EVA1C: variants seen among roughly 807,000 people sequenced by gnomAD.
The protein encoded by EVA1C is eva-1 homolog C, also known as protein eva-1 homolog C.
Under a neutral mutation model 45.4 loss-of-function variants are expected in EVA1C, and 25 were observed. The observed-to-expected ratio is 0.55, with a 90% CI of 0.40 to 0.77. EVA1C has a LOEUF of 0.77. Among genes scored for constraint, EVA1C ranks in the 30% least tolerant of loss-of-function variants. EVA1C has a pLI of 0.00. For synonymous variants in EVA1C, 190 were observed against 221.2 expected (o/e 0.86, Z 1.25); for missense variants, 479 against 554.8 (o/e 0.86, Z 1.37).
intron 1 of EVA1C, among the ~76,000 whole-genome samples, chr21:32,451,147 C>T (rs1292228707): frequency 6.6e-6 from 1 of 152,116 alleles, no homozygotes; most frequent in Non-Finnish European, 1.5e-5. Context: ...GATTGGGCGC[C>T]TGGATTTTCC....
intron 1 of EVA1C, among the ~76,000 whole-genome samples, chr21:32,434,585 C>T (rs997264517): frequency 7.4e-5 from 11 of 147,900 alleles, no homozygotes; most frequent in Non-Finnish European, 1.0e-4. Flanking sequence ...AGCGAGACTC[C>T]GTCTCAAAAA....
At chr21:32,501,117 T>G (rs2037514731) in intron 5 of EVA1C, among the ~76,000 whole-genome samples, 1 of 152,216 alleles carries the variant, frequency 6.6e-6, no homozygotes, top group African/African-American at 2.4e-5. Context: ...TGGGCCTTCA[T>G]TCCGTTTTAT....
In EVA1C at chr21:32,501,980, G is replaced by A. The variant is rs1160072342; in HGVS notation, c.859+485G>A. 2.4e-5 allele frequency among the ~76,000 whole-genome samples: 3 copies of A among 125,100 alleles called. 1 individual carries two copies. The highest frequency in any genetic ancestry group is 5.4e-4 in the South Asian group (2 of 3,738). The allele number at this position is 125,100 out of a possible 152,430, so 82.1% of individuals were successfully genotyped here. Reference sequence around the variant, plus strand: ...CTCTCTCCCTCCCTCTCTCTCTCTCGCTCTTTTCTTTCTTTCTTTCTTTCT... The same window carrying A: ...CTCTCTCCCTCCCTCTCTCTCTCTCACTCTTTTCTTTCTTTCTTTCTTTCT... On this transcript the variant is annotated intron_variant, in intron 6 of 7. Coordinates refer to ENST00000300255, the MANE Select transcript of EVA1C (RefSeq NM_058187.5).
chr21:32,421,053 T>C (rs1396804873), intron 1 of EVA1C, among the ~76,000 whole-genome samples: 1 of 152,236 alleles, frequency 6.6e-6, no homozygotes, highest in African/African-American at 2.4e-5. Context: ...GATTATAGAA[T>C]TGGGTCTGTA....
chr21:32,507,502 CTG>C (rs750597966), intron 7 of EVA1C, among the ~76,000 whole-genome samples: 10 of 139,794 alleles, frequency 7.2e-5, no homozygotes, highest in Non-Finnish European at 1.1e-4. Context: ...GTGCGTGTGT[CTG>C]TATCTGTGTG....
intron 1 of EVA1C, among the ~76,000 whole-genome samples, chr21:32,423,097 TG>T (rs2034352362): frequency 1.4e-5 from 1 of 73,326 alleles, no homozygotes; most frequent in African/African-American, 4.8e-5. Context: ...AAAAAAAAAA[TG>T]GTGGACAAAG....
chr21:32,422,162 A>G (rs1171026675), intron 1 of EVA1C, among the ~76,000 whole-genome samples: 3 of 152,194 alleles, frequency 2.0e-5, no homozygotes, highest in Non-Finnish European at 2.9e-5. Context: ...AGAATCAAAG[A>G]TATCTACTAA....
chr21:32,442,868 A>C (rs1341896939), intron 1 of EVA1C, among the ~76,000 whole-genome samples: 2 of 152,002 alleles, frequency 1.3e-5, no homozygotes, highest in Non-Finnish European at 2.9e-5. Context: ...CTCAGATTGC[A>C]TTGGAAGCCT....
chr21:32,412,852 C>A lies in EVA1C; in HGVS notation c.-2C>A. 1 of 1,477,438 alleles carries A rather than the reference C, an allele frequency of 6.8e-7. No homozygotes were observed. Among genetic ancestry groups the A allele is most frequent in the Non-Finnish European group, 8.9e-7 (1 of 1,120,818 alleles). 91.5% of individuals were successfully genotyped at this position (1,477,438 alleles called of 1,614,324 possible). A position where few individuals can be genotyped will look rare whatever the true frequency, so the allele number is the denominator to read the frequency against. On this transcript the variant is annotated 5_prime_UTR_variant, in exon 1 of 8. Transcript: ENST00000300255. ...CGCCTCCGCCCCGCCGCGCAGCGCACGATGCTTCTGCCGGGACGCGCACGC... is the reference window on the plus strand; with the variant it reads ...CGCCTCCGCCCCGCCGCGCAGCGCAAGATGCTTCTGCCGGGACGCGCACGC...
At chr21:32,447,718 G>T (rs8134814) in intron 1 of EVA1C, among the ~76,000 whole-genome samples, 72,078 of 151,674 alleles carry the variant, frequency 0.48, 17,401 homozygotes, top group Admixed American at 0.58. Flanking sequence ...TTTTTTCTGT[G>T]TTTTGAGATG....
chr21:32,424,867 G>C (rs1410374570), intron 1 of EVA1C, among the ~76,000 whole-genome samples: 2 of 152,094 alleles, frequency 1.3e-5, no homozygotes, highest in Non-Finnish European at 2.9e-5. Flanking sequence ...GATGATTGAT[G>C]ATGATTTCTC....
intron 4 of EVA1C, among the ~76,000 whole-genome samples, chr21:32,481,089 G>A (rs1311285341): frequency 6.6e-6 from 1 of 152,086 alleles, no homozygotes; most frequent in Non-Finnish European, 1.5e-5. Context: ...TTTCTTGATG[G>A]TGGGATTTAC....
At chr21:32,466,275 C>T (rs930704078) in intron 3 of EVA1C, among the ~76,000 whole-genome samples, 2 of 151,928 alleles carry the variant, frequency 1.3e-5, no homozygotes, top group African/African-American at 2.4e-5. Flanking sequence ...AAAAATTAGC[C>T]GGATGTGGTG....
intron 4 of EVA1C, among the ~76,000 whole-genome samples, chr21:32,486,185 A>G (rs2036967700): frequency 6.6e-6 from 1 of 152,142 alleles, no homozygotes; most frequent in Admixed American, 6.5e-5. Context: ...GTGCAGTGGC[A>G]TGATCTTGGC....
At chr21:32,472,100 G>A (rs999705982) in intron 4 of EVA1C, among the ~76,000 whole-genome samples, 1 of 152,104 alleles carries the variant, frequency 6.6e-6, no homozygotes, top group African/African-American at 2.4e-5. Flanking sequence ...GTGTTCACTT[G>A]GTCACTGCCT....
chr21:32,425,947 T>C (rs2034470932), intron 1 of EVA1C, among the ~76,000 whole-genome samples: 1 of 148,168 alleles, frequency 6.7e-6, no homozygotes, highest in African/African-American at 2.5e-5. Flanking sequence ...TTTTAGAACC[T>C]GAAAAAAGTG....
At chr21:32,490,664 T>C (rs1355515012) in intron 4 of EVA1C, among the ~76,000 whole-genome samples, 1 of 152,256 alleles carries the variant, frequency 6.6e-6, no homozygotes, top group Non-Finnish European at 1.5e-5. Context: ...TATGCCACTA[T>C]GAACATGGAT....
At chr21:32,464,422 G>A (rs569775759) in intron 3 of EVA1C, among the ~76,000 whole-genome samples, 2 of 152,262 alleles carry the variant, frequency 1.3e-5, no homozygotes, top group Middle Eastern at 3.4e-3. Context: ...CAGAGCTGGT[G>A]GTCCTCTTGA....
chr21:32,412,684 G>T (rs2033863971), upstream of EVA1C: 10 of 528,550 alleles, frequency 1.9e-5, no homozygotes, highest in East Asian at 2.9e-4. Context: ...TTGCTGGGGC[G>T]CCTGGGCTGG....
Sources: allele counts gnomAD v4.1 joint callset (sites outside exome capture counted in the v4.1 genomes callset), GRCh38; gene constraint gnomAD v4.1.1; transcripts MANE v1.5; gene names NCBI Gene and HGNC (gene_info 2026-07-23, HGNC 2026-07-21).